Variants in ZBBX observed in about 807,000 individuals in gnomAD.
ZBBX encodes zinc finger B-box domain-containing protein 1.
A neutral mutation model predicts 108.5 loss-of-function variants in ZBBX; 101 were observed. That is an observed-to-expected ratio of 0.93 (90% confidence interval 0.79 to 1.10). The LOEUF is 1.10. Among genes scored for constraint, ZBBX ranks in the 50% least tolerant of loss-of-function variants. ZBBX has a pLI of 0.00. For synonymous variants in ZBBX, 356 were observed against 323.4 expected (o/e 1.10, Z -1.08); for missense variants, 1,009 against 941.4 (o/e 1.07, Z -0.94).
intron 1 of ZBBX, among the ~76,000 whole-genome samples, chr3:167,397,952 TA>T (rs777642286): frequency 6.6e-5 from 10 of 150,980 alleles, no homozygotes; most frequent in South Asian, 4.2e-4. Context: ...GCAGAGAGGA[TA>T]GGGGTAAAGA....
At position 167,368,495 on chromosome 3, in the gene ZBBX, G is replaced by T; in HGVS notation, c.148C>A (p.Arg50=). The stretch of plus-strand genomic sequence containing the variant: ...TCCTTTTCTTTGTTTCTTGTGGATC[G>T]GAATTCTTGCAGTTTCTTCTCCATC... ...QEMEKKLQEF[R]STRNKEKEDR... is the part of the protein sequence containing the mutation. The change falls in exon 5 of 22, where the codon CGA becomes AGA. Residue 50 remains arginine, a synonymous_variant. Coordinates refer to ENST00000675490, the MANE Select transcript of ZBBX (RefSeq NM_001199201.2). The T allele has an allele frequency of 6.2e-7, 1 of 1,611,516 alleles. No individual in the cohort carries two copies. The highest frequency in any genetic ancestry group is 1.1e-5 in the South Asian group (1 of 90,942).
At chr3:167,306,596 C>T (rs1733688466) in intron 16 of ZBBX, among the ~76,000 whole-genome samples, 1 of 152,156 alleles carries the variant, frequency 6.6e-6, no homozygotes, top group Non-Finnish European at 1.5e-5. Context: ...AGTGTATGGG[C>T]CTGACCCCAA....
chr3:167,384,683 T>G (rs1358780423), upstream of ZBBX, among the ~76,000 whole-genome samples: 1 of 152,066 alleles, frequency 6.6e-6, no homozygotes. Context: ...GAGAGAGGCA[T>G]TCATTCAGCA....
chr3:167,325,468 T>C lies in ZBBX; in HGVS notation c.862+2474A>G, dbSNP rs576909595. On this transcript the variant is annotated intron_variant, in intron 11 of 21. Coordinates refer to ENST00000675490, the MANE Select transcript of ZBBX (RefSeq NM_001199201.2). Reference sequence around the variant, plus strand: ...GAAAGACCCACTCCCATGATTCAATTACCTCTCGCCGGGGCCCTCCCACAA... The same window carrying C: ...GAAAGACCCACTCCCATGATTCAATCACCTCTCGCCGGGGCCCTCCCACAA... Among the ~76,000 whole-genome samples the C allele has an allele frequency of 2.0e-5, 3 of 152,170 alleles. No individual in the cohort carries two copies. In the South Asian group the frequency reaches 6.2e-4, roughly 32 times the overall value.
At chr3:167,197,266 C>T in the ZBBX span, among the ~76,000 whole-genome samples, 4 of 151,972 alleles carry the variant, frequency 2.6e-5, no homozygotes, top group East Asian at 1.9e-4. Context: ...AGGCTGGGCA[C>T]GGTGGCTCAC....
Position 167,322,195 on chromosome 3 carries a change from C to T in ZBBX, c.905G>A (p.Trp302Ter). 1 of 1,477,316 alleles carries T rather than the reference C, an allele frequency of 6.8e-7. No individual in the cohort carries two copies. Among genetic ancestry groups the T allele is most frequent in the South Asian group, 1.5e-5 (1 of 65,126 alleles). 91.5% of individuals were successfully genotyped at this position (1,477,316 alleles called of 1,614,324 possible). ...ECEVQTNLKI[W>*]REPLNIELKE... ...AAGTTCAATATTAAGTGGTTCTCTCCAAATTTTCAGATTAGTCTGTACTTC... is the reference window on the plus strand; with the variant it reads ...AAGTTCAATATTAAGTGGTTCTCTCTAAATTTTCAGATTAGTCTGTACTTC... The change falls in exon 12 of 22, where the codon TGG becomes TAG. Residue 302 changes from tryptophan (W) to a stop codon, truncating the protein, a stop_gained. Coordinates refer to ENST00000675490, the MANE Select transcript of ZBBX (RefSeq NM_001199201.2). LOFTEE classifies it high-confidence loss of function.
At chr3:167,373,684 A>G (rs1265465249) in intron 3 of ZBBX, 22 bp downstream of exon 3, 1 of 152,208 alleles carries the variant, frequency 6.6e-6, no homozygotes, top group Non-Finnish European at 1.5e-5. Flanking sequence ...AGAAAATCAT[A>G]AAGAAGAGAA....
intron 20 of ZBBX, among the ~76,000 whole-genome samples, chr3:167,271,850 C>A (rs1053261291): frequency 6.6e-6 from 1 of 152,102 alleles, no homozygotes. Flanking sequence ...CTCACTGGAT[C>A]GAAGCTATTC....
intron 19 of ZBBX, among the ~76,000 whole-genome samples, chr3:167,282,757 T>G (rs1460674968): frequency 6.6e-6 from 1 of 152,182 alleles, no homozygotes; most frequent in Admixed American, 6.5e-5. Context: ...AATTTTAATA[T>G]TCACAAAGGA....
the ZBBX span, among the ~76,000 whole-genome samples, chr3:167,196,045 GC>G: frequency 1.3e-5 from 2 of 152,036 alleles, no homozygotes; most frequent in African/African-American, 4.8e-5. Flanking sequence ...AATCATTATG[GC>G]CACTATACAT....
chr3:167,227,872 C>T, the ZBBX span, among the ~76,000 whole-genome samples: 1 of 151,668 alleles, frequency 6.6e-6, no homozygotes, highest in Admixed American at 6.6e-5. Context: ...TATTTGCTGT[C>T]CTGAATATTA....
At chr3:167,343,696 T>G (rs1225092727) in intron 9 of ZBBX, among the ~76,000 whole-genome samples, 3 of 151,918 alleles carry the variant, frequency 2.0e-5, no homozygotes, top group Non-Finnish European at 2.9e-5. Context: ...ACTAGGATGT[T>G]AGACCAAAAA....
At position 167,279,173 on chromosome 3, in the gene ZBBX, C is replaced by A. The variant is rs375232710; in HGVS notation, c.2254+3065G>T. ...TGAATGGGCAAAAACTGGAAGCATTCCCTTTGAAAACTGGCACAAGACAGG... is the reference window on the plus strand; with the variant it reads ...TGAATGGGCAAAAACTGGAAGCATTACCTTTGAAAACTGGCACAAGACAGG... On this transcript the variant is annotated intron_variant, in intron 20 of 21. Transcript: ENST00000675490. Among the ~76,000 whole-genome samples the A allele has an allele frequency of 1.2e-3, 186 of 152,182 alleles. 2 individuals are homozygous for A. The East Asian group carries it at 0.03, about 25-fold the overall frequency.
intron 1 of ZBBX, among the ~76,000 whole-genome samples, chr3:167,396,109 C>T (rs967137811): frequency 5.9e-5 from 9 of 151,930 alleles, no homozygotes; most frequent in Non-Finnish European, 2.9e-5. Flanking sequence ...CTAATCCATG[C>T]AAAAATACAG....
chr3:167,406,145 G>A (rs1468774890), intron 1 of ZBBX, among the ~76,000 whole-genome samples: 2 of 152,122 alleles, frequency 1.3e-5, no homozygotes, highest in African/African-American at 4.8e-5. Flanking sequence ...TTCAACCTAA[G>A]CTACATCTTC....
At chr3:167,361,031 T>A (rs1386379267) in intron 6 of ZBBX, among the ~76,000 whole-genome samples, 1 of 152,090 alleles carries the variant, frequency 6.6e-6, no homozygotes, top group Non-Finnish European at 1.5e-5. Context: ...AGTATTCAAA[T>A]ATTGTAAAGG....
At chr3:167,266,821 C>T (rs186358378) in intron 20 of ZBBX, among the ~76,000 whole-genome samples, 2 of 152,264 alleles carry the variant, frequency 1.3e-5, no homozygotes, top group East Asian at 1.9e-4. Flanking sequence ...TTTGGTGGCT[C>T]GTATGGGGAG....
the ZBBX span, among the ~76,000 whole-genome samples, chr3:167,229,649 C>T: frequency 2.0e-5 from 3 of 151,770 alleles, no homozygotes; most frequent in Non-Finnish European, 4.4e-5. Flanking sequence ...TTTCTTACTG[C>T]CACCTCCCAT....
intron 20 of ZBBX, among the ~76,000 whole-genome samples, chr3:167,244,859 T>A (rs985918794): frequency 2.6e-5 from 4 of 152,118 alleles, no homozygotes; most frequent in Non-Finnish European, 4.4e-5. Context: ...TTAAAAATAA[T>A]AGCAATTAGA....
Sources: gnomAD v4.1 joint callset for allele counts (sites outside exome capture counted in the v4.1 genomes callset) on GRCh38, gnomAD v4.1.1 for gene constraint, MANE v1.5 for transcripts, NCBI Gene and HGNC (gene_info 2026-07-23, HGNC 2026-07-21) for gene names.